The following PUS10 variants were observed in gnomAD, a reference collection of about 807,000 sequenced individuals.
PUS10 encodes the protein pseudouridine synthase 10, also known as tRNA pseudouridine synthase Pus10.
A neutral mutation model predicts 75.0 loss-of-function variants in PUS10; 59 were observed. The ratio of observed to expected loss-of-function variants is 0.79; its 90% CI spans 0.64 to 0.98. The LOEUF (loss-of-function observed/expected upper bound fraction) is 0.98. Among genes scored for constraint, PUS10 ranks in the 50% least tolerant of loss-of-function variants. The pLI is 0.00. For synonymous variants in PUS10, 219 were observed against 211.6 expected (o/e 1.03, Z -0.30); for missense variants, 650 against 614.4 (o/e 1.06, Z -0.61).
intron 4 of PUS10, among the ~76,000 whole-genome samples, chr2:60,978,128 C>A (rs1227263719): frequency 2.0e-5 from 3 of 151,960 alleles, no homozygotes; most frequent in Admixed American, 6.6e-5. Context: ...CAGCTACTTA[C>A]AATTCACAGG....
At chr2:60,960,843 T>TTAA (rs1491333357) in intron 10 of PUS10, among the ~76,000 whole-genome samples, 1 of 120,664 alleles carries the variant, frequency 8.3e-6, no homozygotes, top group African/African-American at 3.1e-5. Context: ...ATACCAAGGA[T>TTAA]AAAAAAAAAA....
chr2:60,964,598 G>C (rs1359296495), intron 8 of PUS10, among the ~76,000 whole-genome samples: 1 of 152,184 alleles, frequency 6.6e-6, no homozygotes, highest in Non-Finnish European at 1.5e-5. Context: ...AAGAGGACAT[G>C]TTAATTCAGG....
intron 15 of PUS10, among the ~76,000 whole-genome samples, chr2:60,948,785 G>C (rs889078643): frequency 1.3e-5 from 2 of 152,052 alleles, no homozygotes; most frequent in African/African-American, 4.8e-5. Context: ...TAGGGACACA[G>C]GCTTGTTTTT....
chr2:60,982,652 TAAC>T (rs1055023490), intron 4 of PUS10, among the ~76,000 whole-genome samples: 1 of 152,212 alleles, frequency 6.6e-6, no homozygotes, highest in Non-Finnish European at 1.5e-5. Context: ...TAAGTGAATT[TAAC>T]AACATTTCAA....
chr2:60,970,991 A>G (rs1463437775), intron 5 of PUS10, among the ~76,000 whole-genome samples: 1 of 151,980 alleles, frequency 6.6e-6, no homozygotes, highest in East Asian at 1.9e-4. Context: ...ACCAGCCTGG[A>G]CAACATGGTG....
At chr2:60,952,907 T>C in intron 15 of PUS10, 90 bp downstream of exon 15, 1 of 766,630 alleles carries the variant, frequency 1.3e-6, no homozygotes, top group Non-Finnish European at 2.2e-6. Context: ...GCCCATGCCC[T>C]GTGACTTGCT....
intron 1 of PUS10, among the ~76,000 whole-genome samples, chr2:61,013,674 A>T (rs1679780959): frequency 6.6e-6 from 1 of 152,214 alleles, no homozygotes; most frequent in African/African-American, 2.4e-5. Flanking sequence ...AAATCTGATC[A>T]GTCTACCTTA....
At chr2:61,009,461 AT>A (rs1287123402) in intron 2 of PUS10, among the ~76,000 whole-genome samples, 1 of 152,212 alleles carries the variant, frequency 6.6e-6, no homozygotes, top group Non-Finnish European at 1.5e-5. Context: ...CAAGTACAAT[AT>A]TTATTTAATA....
intron 15 of PUS10, among the ~76,000 whole-genome samples, chr2:60,950,213 ACTTT>A (rs1364947657): frequency 6.6e-6 from 1 of 152,174 alleles, no homozygotes; most frequent in Non-Finnish European, 1.5e-5. Flanking sequence ...TTTATAAATG[ACTTT>A]CTTTAAGCAG....
At chr2:60,996,401 G>C (rs1678461985) in intron 4 of PUS10, among the ~76,000 whole-genome samples, 1 of 152,080 alleles carries the variant, frequency 6.6e-6, no homozygotes, top group South Asian at 2.1e-4. Flanking sequence ...CTGCACCCAT[G>C]TCTAGTCTTA....
chr2:60,969,743 T>C (rs1676546677), intron 5 of PUS10, among the ~76,000 whole-genome samples: 1 of 152,214 alleles, frequency 6.6e-6, no homozygotes, highest in African/African-American at 2.4e-5. Context: ...ATTATCCCTA[T>C]ATCAGTCAGA....
chr2:60,965,554 T>C (rs2104371527), intron 6 of PUS10, 70 bp from the exon 7 acceptor site: 3 of 1,080,404 alleles, frequency 2.8e-6, no homozygotes, highest in African/African-American at 1.6e-5. Context: ...TTAATGGAAA[T>C]AGAAATTAAT....
chr2:61,010,017 C>T (rs1006264486), intron 2 of PUS10: 1 of 152,224 alleles, frequency 6.6e-6, no homozygotes, highest in Non-Finnish European at 1.5e-5. Context: ...CATGTACATA[C>T]ATAGTTACAT....
chr2:61,015,125 T>C (rs952507965), intron 1 of PUS10, among the ~76,000 whole-genome samples: 1 of 152,060 alleles, frequency 6.6e-6, no homozygotes, highest in Admixed American at 6.5e-5. Flanking sequence ...GAGAAACGCA[T>C]AGTTAGGGTT....
intron 3 of PUS10, among the ~76,000 whole-genome samples, chr2:61,007,210 CTTTTGTTT>C (rs1296894967): frequency 1.6e-4 from 23 of 146,252 alleles, no homozygotes; most frequent in Non-Finnish European, 2.7e-4. Flanking sequence ...GAAGAGTAGG[CTTTTGTTT>C]TTTTTTTTTT....
At position 60,942,443 on chromosome 2, in the gene PUS10, A is replaced by G. The variant is rs1558848198; in HGVS notation, c.1552-10T>C. On this transcript the variant is annotated splice_polypyrimidine_tract_variant and intron_variant, in intron 17 of 17. Coordinates refer to ENST00000316752, the MANE Select transcript of PUS10 (RefSeq NM_144709.4). ...AGTCAACATCTACAGACTAGAAGGG[A>G]GAAAAGAAGTCATTAAAACAGATAT... 3.7e-6 allele frequency: 6 copies of G among 1,608,404 alleles called. No homozygotes were observed. Among genetic ancestry groups the G allele is most frequent in the Non-Finnish European group, 4.3e-6 (5 of 1,174,930 alleles).
At chr2:60,999,816 G>T (rs754640992) in intron 4 of PUS10, among the ~76,000 whole-genome samples, 1 of 151,970 alleles carries the variant, frequency 6.6e-6, no homozygotes, top group African/African-American at 2.4e-5. Context: ...AAAACATTTA[G>T]GGGGGAAAAA....
intron 4 of PUS10, among the ~76,000 whole-genome samples, chr2:60,974,217 T>A (rs1269301844): frequency 4.1e-5 from 6 of 147,772 alleles, no homozygotes; most frequent in Non-Finnish European, 9.0e-5. Flanking sequence ...GCTCCTTTTT[T>A]TTTTTTTTTT....
chr2:60,951,956 G>T (rs1675362841), intron 15 of PUS10, among the ~76,000 whole-genome samples: 1 of 152,182 alleles, frequency 6.6e-6, no homozygotes, highest in Admixed American at 6.5e-5. Context: ...GGTCATCTAG[G>T]TTGTTGCAAA....
Sources: gnomAD v4.1 joint callset for allele counts (sites outside exome capture counted in the v4.1 genomes callset) on GRCh38, gnomAD v4.1.1 for gene constraint, MANE v1.5 for transcripts, NCBI Gene and HGNC (gene_info 2026-07-23, HGNC 2026-07-21) for gene names.